The following TMEM178B variants were observed in gnomAD, a reference collection of about 807,000 sequenced individuals.
TMEM178B encodes the protein transmembrane protein 178B.
Under a neutral mutation model 31.0 loss-of-function variants are expected in TMEM178B, and 5 were observed. The observed-to-expected ratio is 0.16, with a 90% CI of 0.08 to 0.34. The LOEUF (loss-of-function observed/expected upper bound fraction) is 0.34. Among genes scored for constraint, TMEM178B ranks in the 10% least tolerant of loss-of-function variants. The probability of loss-of-function intolerance (pLI) is 1.00; values close to 1 mark genes in which losing one functional copy is unlikely to be tolerated. For synonymous variants in TMEM178B, 164 were observed against 164.0 expected, an observed-to-expected ratio of 1.00 and a Z score of 0.00; for missense variants, 275 against 400.3, an observed-to-expected ratio of 0.69 and a Z score of 2.67.
intron 2 of TMEM178B, among the ~76,000 whole-genome samples, chr7:141,419,835 C>T (rs1014800944): frequency 6.6e-6 from 1 of 152,174 alleles, no homozygotes; most frequent in South Asian, 2.1e-4. Flanking sequence ...ATCTTTGTTT[C>T]TAACAGATCA....
chr7:141,189,786 C>T (rs1796668133), intron 1 of TMEM178B, among the ~76,000 whole-genome samples: 1 of 152,146 alleles, frequency 6.6e-6, no homozygotes, highest in Non-Finnish European at 1.5e-5. Flanking sequence ...GAGGGGTGGC[C>T]AAAGTTGTGG....
At chr7:141,431,529 T>G (rs1446685986) in intron 2 of TMEM178B, among the ~76,000 whole-genome samples, 2 of 152,172 alleles carry the variant, frequency 1.3e-5, no homozygotes, top group African/African-American at 2.4e-5. Context: ...CGCACCTTTC[T>G]CATTTCAAAA....
intron 3 of TMEM178B, among the ~76,000 whole-genome samples, chr7:141,460,953 TG>T (rs1409444642): frequency 6.6e-6 from 1 of 152,224 alleles, no homozygotes; most frequent in Non-Finnish European, 1.5e-5. Flanking sequence ...TGAGTGCTGA[TG>T]ATGCAATCGT....
intron 2 of TMEM178B, among the ~76,000 whole-genome samples, chr7:141,345,250 C>T (rs1799598613): frequency 6.6e-6 from 1 of 152,118 alleles, no homozygotes; most frequent in South Asian, 2.1e-4. Flanking sequence ...AAGTCAGCAA[C>T]AGGTTAATTG....
the TMEM178B span, among the ~76,000 whole-genome samples, chr7:141,508,532 T>C: frequency 6.6e-6 from 1 of 152,188 alleles, no homozygotes; most frequent in African/African-American, 2.4e-5. Context: ...CTGGTACCAA[T>C]TTACTGTATT....
chr7:141,118,633 G>A (rs993207647), intron 1 of TMEM178B, among the ~76,000 whole-genome samples: 1 of 152,180 alleles, frequency 6.6e-6, no homozygotes, highest in Non-Finnish European at 1.5e-5. Flanking sequence ...ATTGTAGGAC[G>A]CCTGAATGGC....
chr7:141,341,545 C>T (rs1279294876), intron 2 of TMEM178B, among the ~76,000 whole-genome samples: 2 of 152,160 alleles, frequency 1.3e-5, no homozygotes, highest in Non-Finnish European at 2.9e-5. Flanking sequence ...GATTTCAGCT[C>T]CCCCTGAGGA....
intron 1 of TMEM178B, among the ~76,000 whole-genome samples, chr7:141,098,163 A>G (rs1419873851): frequency 6.6e-6 from 1 of 152,166 alleles, no homozygotes; most frequent in African/African-American, 2.4e-5. Flanking sequence ...AAAAATATGA[A>G]GCCTTACAAC....
chr7:141,504,661 G>T, the TMEM178B span, among the ~76,000 whole-genome samples: 1 of 152,150 alleles, frequency 6.6e-6, no homozygotes, highest in African/African-American at 2.4e-5. Context: ...AACAAAGAGT[G>T]GTAATATCAT....
chr7:141,133,478 A>T (rs1795626988), intron 1 of TMEM178B, among the ~76,000 whole-genome samples: 1 of 152,132 alleles, frequency 6.6e-6, no homozygotes, highest in Non-Finnish European at 1.5e-5. Flanking sequence ...TAACAGACTA[A>T]ATCAAGCAGA....
intron 2 of TMEM178B, among the ~76,000 whole-genome samples, chr7:141,310,548 G>A (rs1296421789): frequency 6.6e-6 from 1 of 152,122 alleles, no homozygotes; most frequent in Non-Finnish European, 1.5e-5. Context: ...CATGCATTAG[G>A]TATTTGTCCT....
intron 2 of TMEM178B, among the ~76,000 whole-genome samples, chr7:141,367,408 G>C (rs986998887): frequency 6.6e-6 from 1 of 152,016 alleles, no homozygotes; most frequent in Non-Finnish European, 1.5e-5. Flanking sequence ...TTGAGTACCT[G>C]GGATTACAGG....
intron 1 of TMEM178B, among the ~76,000 whole-genome samples, chr7:141,105,630 G>A (rs1317388057): frequency 1.3e-5 from 2 of 152,058 alleles, no homozygotes; most frequent in Non-Finnish European, 2.9e-5. Flanking sequence ...CTCATCATTC[G>A]TAATGACTTC....
intron 2 of TMEM178B, among the ~76,000 whole-genome samples, chr7:141,239,774 A>G (rs1009155634): frequency 6.6e-6 from 1 of 152,196 alleles, no homozygotes; most frequent in Admixed American, 6.5e-5. Context: ...AGGAGGCTAC[A>G]TGGAGCTTTT....
chr7:141,246,843 G>A (rs149511646), intron 2 of TMEM178B, among the ~76,000 whole-genome samples: 57 of 152,240 alleles, frequency 3.7e-4, no homozygotes, highest in South Asian at 1.5e-3. Flanking sequence ...CGGGGCTGCT[G>A]TAGGATCTGA....
At chr7:141,464,798 A>G (rs756547901) in intron 3 of TMEM178B, among the ~76,000 whole-genome samples, 64 of 152,102 alleles carry the variant, frequency 4.2e-4, no homozygotes, top group Non-Finnish European at 7.8e-4. Flanking sequence ...AAGACCTGGC[A>G]TTGCTTACCA....
intron 1 of TMEM178B, among the ~76,000 whole-genome samples, chr7:141,075,056 A>G (rs1794578174): frequency 6.6e-6 from 1 of 152,202 alleles, no homozygotes; most frequent in East Asian, 1.9e-4. Flanking sequence ...TGTCAGGGGT[A>G]GACAGGTTCC....
intron 1 of TMEM178B, among the ~76,000 whole-genome samples, chr7:141,121,401 A>G (rs2129176389): frequency 6.6e-6 from 1 of 152,316 alleles, no homozygotes; most frequent in East Asian, 1.9e-4. Context: ...TCCCCTTTGC[A>G]GAGCCCTCTT....
At chr7:141,226,815 A>G (rs1312883235) in intron 2 of TMEM178B, among the ~76,000 whole-genome samples, 1 of 148,232 alleles carries the variant, frequency 6.7e-6, no homozygotes, top group African/African-American at 2.5e-5. Context: ...CTGAAGTTGC[A>G]CCACTGCACT....
Sources: gnomAD v4.1 joint callset for allele counts (sites outside exome capture counted in the v4.1 genomes callset) on GRCh38, gnomAD v4.1.1 for gene constraint, MANE v1.5 for transcripts, NCBI Gene and HGNC (gene_info 2026-07-23, HGNC 2026-07-21) for gene names.